Variants in FOXP2 observed in about 807,000 individuals in gnomAD.
The protein encoded by FOXP2 is forkhead box protein P2.
FOXP2 carries 12 observed loss-of-function variants against 115.8 expected under a neutral mutation model. That is an observed-to-expected ratio of 0.10 (90% CI 0.07 to 0.17). FOXP2 has a LOEUF of 0.17. Among genes scored for constraint, FOXP2 ranks in the 10% least tolerant of loss-of-function variants. The pLI, the probability that FOXP2 is intolerant of heterozygous loss-of-function variation, is 1.00. For missense variants in FOXP2, 629 were observed against 843.5 expected, an observed-to-expected ratio of 0.75 and a Z score of 3.15; for synonymous variants, 328 against 297.7, an observed-to-expected ratio of 1.10 and a Z score of -1.05.
intron 3 of FOXP2, among the ~76,000 whole-genome samples, chr7:114,593,304 TAG>T (rs1368765958): frequency 6.6e-6 from 1 of 151,854 alleles, no homozygotes; most frequent in Non-Finnish European, 1.5e-5. Context: ...ATTTCAAACT[TAG>T]AGAGAGAGGG....
At chr7:114,438,884 A>C (rs2129211234) in intron 2 of FOXP2, among the ~76,000 whole-genome samples, 1 of 152,292 alleles carries the variant, frequency 6.6e-6, no homozygotes, top group East Asian at 1.9e-4. Context: ...AATGACTGCC[A>C]GAGTATTAGA....
chr7:114,604,399 A>C (rs567452670), intron 3 of FOXP2, among the ~76,000 whole-genome samples: 2 of 152,192 alleles, frequency 1.3e-5, no homozygotes, highest in Admixed American at 6.5e-5. Context: ...AACAATGCCT[A>C]AGAAAGATAT....
intron 2 of FOXP2, among the ~76,000 whole-genome samples, chr7:114,472,622 A>G (rs779046279): frequency 1.6e-4 from 24 of 152,310 alleles, no homozygotes; most frequent in Non-Finnish European, 2.2e-4. Flanking sequence ...TGCTGGGTTT[A>G]CAAACGTGAG....
intron 2 of FOXP2, among the ~76,000 whole-genome samples, chr7:114,400,541 G>C (rs752620309): frequency 6.6e-6 from 1 of 152,078 alleles, no homozygotes; most frequent in Non-Finnish European, 1.5e-5. Flanking sequence ...TATAGGCAGC[G>C]GTCCCCAATC....
At chr7:114,192,294 C>G (rs1431529452) in intron 1 of FOXP2, among the ~76,000 whole-genome samples, 1 of 152,054 alleles carries the variant, frequency 6.6e-6, no homozygotes, top group African/African-American at 2.4e-5. Flanking sequence ...CTCTCCTTGT[C>G]TTTTTATGGT....
chr7:114,687,617 T>C (rs1429420861), intron 16 of FOXP2, among the ~76,000 whole-genome samples: 1 of 152,224 alleles, frequency 6.6e-6, no homozygotes, highest in Non-Finnish European at 1.5e-5. Flanking sequence ...GGCTTTGCTA[T>C]GTTTTATGAC....
intron 2 of FOXP2, among the ~76,000 whole-genome samples, chr7:114,443,258 GAA>G: frequency 6.6e-6 from 1 of 152,148 alleles, no homozygotes; most frequent in African/African-American, 2.4e-5. Flanking sequence ...AAATAGTAAA[GAA>G]TAAAATTAAT....
chr7:114,397,565 G>A (rs1792774248), intron 2 of FOXP2, among the ~76,000 whole-genome samples: 1 of 152,168 alleles, frequency 6.6e-6, no homozygotes, highest in South Asian at 2.1e-4. Flanking sequence ...CAATGAAGGA[G>A]CGTTGCAAAG....
chr7:114,113,199 T>C (rs1428029787), intron 1 of FOXP2, among the ~76,000 whole-genome samples: 1 of 152,074 alleles, frequency 6.6e-6, no homozygotes, highest in Non-Finnish European at 1.5e-5. Context: ...AAATTGGTAC[T>C]GTGGAGAAAA....
At chr7:114,168,701 G>T (rs770599464) in intron 1 of FOXP2, among the ~76,000 whole-genome samples, 2 of 152,194 alleles carry the variant, frequency 1.3e-5, no homozygotes, top group Non-Finnish European at 2.9e-5. Context: ...ATAATGAGCT[G>T]AATGTGAATC....
intron 1 of FOXP2, among the ~76,000 whole-genome samples, chr7:114,242,290 G>T (rs758154269): frequency 6.6e-6 from 1 of 152,012 alleles, no homozygotes; most frequent in Non-Finnish European, 1.5e-5. Flanking sequence ...AAGAAAAAAT[G>T]ATGGTCTAAT....
At chr7:114,350,144 TTTTAC>T (rs1321357742) in intron 2 of FOXP2, among the ~76,000 whole-genome samples, 3 of 152,106 alleles carry the variant, frequency 2.0e-5, no homozygotes, top group Non-Finnish European at 2.9e-5. Flanking sequence ...TTTATTTTTA[TTTTAC>T]TTTAAGTTCT....
At chr7:114,683,927 T>G (rs904886670) in intron 16 of FOXP2, among the ~76,000 whole-genome samples, 5 of 152,098 alleles carry the variant, frequency 3.3e-5, no homozygotes, top group African/African-American at 1.2e-4. Context: ...GTGTCTCAGT[T>G]CAGACATATT....
chr7:114,332,258 A>G (rs924725570), intron 2 of FOXP2, among the ~76,000 whole-genome samples: 3 of 152,132 alleles, frequency 2.0e-5, no homozygotes, highest in African/African-American at 7.2e-5. Context: ...TTGGTTGACA[A>G]AGTTATTTAT....
At chr7:114,395,169 A>G (rs1736757739) in intron 2 of FOXP2, among the ~76,000 whole-genome samples, 1 of 152,200 alleles carries the variant, frequency 6.6e-6, no homozygotes, top group Admixed American at 6.6e-5. Context: ...ACTGACAATG[A>G]TGGCAGGAAA....
chr7:114,455,069 G>A lies in FOXP2; in HGVS notation c.168+28390G>A, dbSNP rs116270616. On this transcript the variant is annotated intron_variant, in intron 2 of 16. Transcript: ENST00000350908. ...GATGTTTCCCTAATCCTACTTTTTT[G>A]CCAGCTATTCTTCTCATTCCATAGT... Among the ~76,000 whole-genome samples, 1,097 of 150,240 alleles carry A rather than the reference G, an allele frequency of 7.3e-3. 15 individuals are homozygous for A. The highest frequency in any genetic ancestry group is 0.025 in the African/African-American group (1,031 of 41,038).
chr7:114,449,656 CA>C (rs1794986523), intron 2 of FOXP2, among the ~76,000 whole-genome samples: 1 of 152,048 alleles, frequency 6.6e-6, no homozygotes, highest in Non-Finnish European at 1.5e-5. Context: ...GCATAGAATG[CA>C]TAGTTTTAGT....
chr7:114,595,316 G>A (rs963627011), intron 3 of FOXP2, among the ~76,000 whole-genome samples: 3 of 151,840 alleles, frequency 2.0e-5, no homozygotes, highest in African/African-American at 4.8e-5. Context: ...TTCTAGAACC[G>A]ATGAAGCATT....
At chr7:114,438,069 A>G (rs1170975196) in intron 2 of FOXP2, among the ~76,000 whole-genome samples, 3 of 152,262 alleles carry the variant, frequency 2.0e-5, no homozygotes, top group East Asian at 3.9e-4. Flanking sequence ...AAACCATTTC[A>G]CCTGTTTTTA....
Sources: gnomAD v4.1 joint callset for allele counts (sites outside exome capture counted in the v4.1 genomes callset) on GRCh38, gnomAD v4.1.1 for gene constraint, MANE v1.5 for transcripts, NCBI Gene and HGNC (gene_info 2026-07-23, HGNC 2026-07-21) for gene names.